The following ACOT12 variants were observed in gnomAD, a reference collection of about 807,000 sequenced individuals.
ACOT12 encodes the protein acyl-CoA thioesterase 12.
A neutral mutation model predicts 67.7 loss-of-function variants in ACOT12; 51 were observed. The ratio of observed to expected loss-of-function variants is 0.75; its 90% CI spans 0.60 to 0.95. The LOEUF is 0.95. Among genes scored for constraint, ACOT12 ranks in the 40% least tolerant of loss-of-function variants. The pLI, the probability that ACOT12 is intolerant of heterozygous loss-of-function variation, is 0.00. For synonymous variants in ACOT12, 251 were observed against 244.6 expected, an observed-to-expected ratio of 1.03 and a Z score of -0.24; for missense variants, 734 against 708.1, an observed-to-expected ratio of 1.04 and a Z score of -0.41.
chr5:81,359,669 C>G (rs1323857209), intron 5 of ACOT12, among the ~76,000 whole-genome samples: 2 of 152,180 alleles, frequency 1.3e-5, no homozygotes, highest in African/African-American at 4.8e-5. Context: ...CCCTGTCACC[C>G]TTTTTCCCCA....
In ACOT12 at chr5:81,370,478, C is replaced by T. The variant is rs369258554; in HGVS notation, c.258+1272G>A. Among the ~76,000 whole-genome samples, 5 of 152,146 alleles carry T rather than the reference C, an allele frequency of 3.3e-5. No individual in the cohort carries two copies. The East Asian group carries it at 5.8e-4, about 18-fold the overall frequency. ...AATTAGTTAAGATGAGGCCAGACTG[C>T]GGTGGGGCAGGCCCCTAATCCAATA... is the stretch of plus-strand genomic sequence containing the variant. On this transcript the variant is annotated intron_variant, in intron 3 of 14. Coordinates refer to ENST00000307624, the MANE Select transcript of ACOT12 (RefSeq NM_130767.3).
downstream of ACOT12, among the ~76,000 whole-genome samples, chr5:81,328,705 G>T (rs1758734019): frequency 6.6e-6 from 1 of 152,096 alleles, no homozygotes. Flanking sequence ...CTATGTTTTT[G>T]TTCAGAAACA....
At chr5:81,311,360 C>A in the ACOT12 span, 1 of 1,372,128 alleles carries the variant, frequency 7.3e-7, no homozygotes, top group Non-Finnish European at 1.0e-6. Context: ...ATTAATAACT[C>A]AATTGGGATA....
rs187864625 is a variant in ACOT12 at position 81,391,513 on chromosome 5, A to G, written c.127+2475T>C. ...ATTTAGTGTTTTGCCCAGAGTTTAT[A>G]ATTATTATCTGTGGGAGATTTTTTA... On this transcript the variant is annotated intron_variant, in intron 1 of 14. Transcript: ENST00000307624. 5.3e-5 allele frequency among the ~76,000 whole-genome samples: 8 copies of G among 152,304 alleles called. No individual in the cohort carries two copies. In the East Asian group the frequency reaches 1.3e-3, roughly 26 times the overall value.
intron 4 of ACOT12, 83 bp downstream of exon 4, chr5:81,363,705 C>A (rs1023568008): frequency 6.1e-6 from 6 of 990,214 alleles, no homozygotes; most frequent in Middle Eastern, 5.5e-4. Context: ...GAAGAAGTGT[C>A]ATTTTTTTCT....
rs1306643998 is a variant in ACOT12 at position 81,390,162 on chromosome 5, A to G, written c.127+3826T>C. On this transcript the variant is annotated intron_variant, in intron 1 of 14. Coordinates refer to ENST00000307624, the MANE Select transcript of ACOT12 (RefSeq NM_130767.3). ...TTTTTGGTAGAGACAGGATCTCTCTATGTTGCCCAGGCTGGTCTCAAGTTC... is the reference window on the plus strand; with the variant it reads ...TTTTTGGTAGAGACAGGATCTCTCTGTGTTGCCCAGGCTGGTCTCAAGTTC... 2.7e-5 allele frequency among the ~76,000 whole-genome samples: 4 copies of G among 150,884 alleles called. 1 individual carries two copies.
intron 5 of ACOT12, among the ~76,000 whole-genome samples, chr5:81,351,908 G>A (rs1759563807): frequency 3.3e-5 from 5 of 151,908 alleles, no homozygotes; most frequent in Admixed American, 3.3e-4. Flanking sequence ...AGCACTATAG[G>A]AAAAAAATCT....
intron 3 of ACOT12, among the ~76,000 whole-genome samples, chr5:81,370,308 C>T (rs1302307381): frequency 6.6e-6 from 1 of 152,046 alleles, no homozygotes; most frequent in African/African-American, 2.4e-5. Context: ...AAGAAAGTGA[C>T]CACATCAGGG....
chr5:81,351,701 T>A (rs1759557016), intron 5 of ACOT12, among the ~76,000 whole-genome samples: 1 of 152,060 alleles, frequency 6.6e-6, no homozygotes, highest in Non-Finnish European at 1.5e-5. Context: ...TGGACAAAAA[T>A]TTATTGAGCA....
At position 81,389,717 on chromosome 5, in the gene ACOT12, G is replaced by A. The variant is rs150724137; in HGVS notation, c.128-3891C>T. Among the ~76,000 whole-genome samples the A allele has an allele frequency of 3.4e-4, 51 of 151,920 alleles. 1 individual carries two copies. The East Asian group carries it at 9.8e-3, about 29-fold the overall frequency. ...AATTTTTGTATTTTTAGTAAAGATG[G>A]GATTTCACCATGTTGGCCAGGCTGG... On this transcript the variant is annotated intron_variant, in intron 1 of 14. Coordinates refer to ENST00000307624, the MANE Select transcript of ACOT12 (RefSeq NM_130767.3).
chr5:81,382,565 G>A (rs1233195112), intron 2 of ACOT12, among the ~76,000 whole-genome samples: 13 of 152,248 alleles, frequency 8.5e-5, no homozygotes, highest in African/African-American at 2.9e-4. Context: ...GGGAGGCCGA[G>A]GTGGGTGGAT....
chr5:81,351,250 C>A (rs1160919396), intron 5 of ACOT12, among the ~76,000 whole-genome samples: 1 of 152,182 alleles, frequency 6.6e-6, no homozygotes, highest in Admixed American at 6.5e-5. Flanking sequence ...TTATACATAT[C>A]CCAAACTAGT....
intron 3 of ACOT12, among the ~76,000 whole-genome samples, chr5:81,364,803 C>T (rs1760025772): frequency 6.6e-6 from 1 of 152,124 alleles, no homozygotes; most frequent in Non-Finnish European, 1.5e-5. Flanking sequence ...CTTTTGAAAA[C>T]AAGATATTGG....
At chr5:81,324,856 A>G in the ACOT12 span, among the ~76,000 whole-genome samples, 1 of 152,240 alleles carries the variant, frequency 6.6e-6, no homozygotes. Flanking sequence ...GTTGATCCTG[A>G]TAATAGAAGT....
chr5:81,312,554 C>A, the ACOT12 span: 1 of 1,613,210 alleles, frequency 6.2e-7, no homozygotes, highest in South Asian at 1.1e-5. Context: ...AGCGAATGGT[C>A]ACAGTTGGTC....
rs1341510915 is a variant in ACOT12 at position 81,330,341 on chromosome 5, G to A, written c.*53C>T. 7 of 1,581,564 alleles carry A rather than the reference G, an allele frequency of 4.4e-6. No individual in the cohort carries two copies. The highest frequency in any genetic ancestry group is 6.0e-6 in the Non-Finnish European group (7 of 1,159,598). On this transcript the variant is annotated 3_prime_UTR_variant, in exon 15 of 15. Coordinates refer to ENST00000307624, the MANE Select transcript of ACOT12 (RefSeq NM_130767.3). The stretch of plus-strand genomic sequence containing the variant: ...AGCTTGACAGATGTCAGGGCTAAGG[G>A]TGCTTGGAATTAAAAGTGGGAAATT...
the ACOT12 span, among the ~76,000 whole-genome samples, chr5:81,322,046 G>T: frequency 1.3e-5 from 2 of 152,110 alleles, no homozygotes; most frequent in South Asian, 4.1e-4. Flanking sequence ...GTGAAAAGGG[G>T]TTAACAGACA....
At chr5:81,325,984 A>T (rs918115193), downstream of ACOT12, among the ~76,000 whole-genome samples, 5 of 151,306 alleles carry the variant, frequency 3.3e-5, no homozygotes, top group African/African-American at 1.2e-4. Context: ...TGATTTTTTC[A>T]TTTTTCATAG....
At chr5:81,393,953 TCCCGCGCCTC>T in intron 1 of ACOT12, 25 bp downstream of exon 1, 2 of 1,305,356 alleles carry the variant, frequency 1.5e-6, no homozygotes. Flanking sequence ...GCAGCCCCGG[TCCCGCGCCTC>T]CCCGCAGCCC....
Sources: gnomAD v4.1 joint callset for allele counts (sites outside exome capture counted in the v4.1 genomes callset) on GRCh38, gnomAD v4.1.1 for gene constraint, MANE v1.5 for transcripts, NCBI Gene and HGNC (gene_info 2026-07-23, HGNC 2026-07-21) for gene names.